TSPAN5: variants seen among roughly 807,000 people sequenced by gnomAD.
TSPAN5 encodes the protein tetraspanin-5.
A neutral mutation model predicts 37.1 loss-of-function variants in TSPAN5; 10 were observed. The ratio of observed to expected loss-of-function variants is 0.27; its 90% CI spans 0.17 to 0.46. The LOEUF (loss-of-function observed/expected upper bound fraction) is 0.46. Among genes scored for constraint, TSPAN5 ranks in the 20% least tolerant of loss-of-function variants. The pLI is 1.00. For missense variants in TSPAN5, 195 were observed against 326.6 expected (o/e 0.60, Z 3.11); for synonymous variants, 110 against 118.9 (o/e 0.93, Z 0.48).
At chr4:98,585,456 T>G (rs1755467910) in intron 1 of TSPAN5, among the ~76,000 whole-genome samples, 1 of 152,130 alleles carries the variant, frequency 6.6e-6, no homozygotes, top group Non-Finnish European at 1.5e-5. Context: ...ATTACAGGCA[T>G]GCACCGCCAC....
intron 1 of TSPAN5, among the ~76,000 whole-genome samples, chr4:98,640,370 T>C (rs1249956996): frequency 6.6e-6 from 1 of 152,188 alleles, no homozygotes; most frequent in Admixed American, 6.5e-5. Context: ...TTCAGGTAGT[T>C]TTCTAGGCAT....
intron 1 of TSPAN5, among the ~76,000 whole-genome samples, chr4:98,581,543 A>G (rs1383411838): frequency 6.6e-6 from 1 of 152,206 alleles, no homozygotes; most frequent in Admixed American, 6.5e-5. Flanking sequence ...TCTGCAGGGT[A>G]TTAATTACTC....
intron 2 of TSPAN5, among the ~76,000 whole-genome samples, chr4:98,492,075 G>C (rs547359312): frequency 6.6e-6 from 1 of 152,124 alleles, no homozygotes; most frequent in Non-Finnish European, 1.5e-5. Context: ...CCTCCTCCTT[G>C]TAAGGATGCC....
At chr4:98,548,322 C>T (rs1319514902) in intron 1 of TSPAN5, among the ~76,000 whole-genome samples, 3 of 152,028 alleles carry the variant, frequency 2.0e-5, no homozygotes, top group Non-Finnish European at 2.9e-5. Flanking sequence ...TATTGTACTT[C>T]AGAAATGAAA....
At chr4:98,526,129 T>G (rs568703874) in intron 1 of TSPAN5, among the ~76,000 whole-genome samples, 102 of 152,288 alleles carry the variant, frequency 6.7e-4, no homozygotes, top group Admixed American at 1.3e-3. Flanking sequence ...TTTAAAGATA[T>G]CAGGCTGGGT....
intron 1 of TSPAN5, among the ~76,000 whole-genome samples, chr4:98,657,901 C>T (rs1757324279): frequency 6.6e-6 from 1 of 152,160 alleles, no homozygotes; most frequent in Non-Finnish European, 1.5e-5. Flanking sequence ...CCTCAAAAAG[C>T]CACCAGAAGG....
At chr4:98,598,141 G>T (rs1381805791) in intron 1 of TSPAN5, among the ~76,000 whole-genome samples, 3 of 126,402 alleles carry the variant, frequency 2.4e-5, no homozygotes, top group African/African-American at 1.1e-4. Context: ...GTCTCGTGGT[G>T]CGCCATTTCT....
intron 1 of TSPAN5, among the ~76,000 whole-genome samples, chr4:98,522,418 T>C (rs6830136): frequency 0.21 from 32,270 of 152,182 alleles, 3,558 homozygotes; most frequent in South Asian, 0.25. Flanking sequence ...ATAGCTATCA[T>C]AGAAGTTATA....
chr4:98,628,581 C>T (rs531358023), intron 1 of TSPAN5, among the ~76,000 whole-genome samples: 1 of 152,278 alleles, frequency 6.6e-6, no homozygotes, highest in African/African-American at 2.4e-5. Context: ...GGTACAGATT[C>T]CTGGGTCAAC....
At chr4:98,507,592 T>C in intron 2 of TSPAN5, 86 bp downstream of exon 2, 1 of 978,006 alleles carries the variant, frequency 1.0e-6, no homozygotes, top group South Asian at 1.7e-5. Flanking sequence ...ACTCTGTGGT[T>C]GTCAAAGAGA....
chr4:98,585,258 T>C (rs1463829197), intron 1 of TSPAN5, among the ~76,000 whole-genome samples: 1 of 152,156 alleles, frequency 6.6e-6, no homozygotes, highest in East Asian at 1.9e-4. Flanking sequence ...AAACAAGCAA[T>C]ACTTCAACGT....
At chr4:98,645,125 A>C (rs79574458) in intron 1 of TSPAN5, among the ~76,000 whole-genome samples, 1 of 152,172 alleles carries the variant, frequency 6.6e-6, no homozygotes, top group African/African-American at 2.4e-5. Flanking sequence ...GTTTTCAACT[A>C]TCTTTTCATC....
chr4:98,572,207 G>C (rs1381173905), intron 1 of TSPAN5, among the ~76,000 whole-genome samples: 10 of 152,094 alleles, frequency 6.6e-5, no homozygotes, highest in Admixed American at 1.3e-4. Context: ...CTGATCTCAA[G>C]TGATCCGCTG....
At chr4:98,566,056 G>C (rs1452548096) in intron 1 of TSPAN5, among the ~76,000 whole-genome samples, 1 of 152,196 alleles carries the variant, frequency 6.6e-6, no homozygotes, top group Non-Finnish European at 1.5e-5. Flanking sequence ...ATCTCCAGGG[G>C]AAATGAGAGG....
chr4:98,551,661 T>G (rs1318349082), intron 1 of TSPAN5, among the ~76,000 whole-genome samples: 1 of 145,776 alleles, frequency 6.9e-6, no homozygotes, highest in Non-Finnish European at 1.5e-5. Flanking sequence ...CCAGCTAATT[T>G]TTTTTTTTTT....
At chr4:98,620,904 A>C (rs1756465979) in intron 1 of TSPAN5, among the ~76,000 whole-genome samples, 2 of 152,226 alleles carry the variant, frequency 1.3e-5, no homozygotes, top group Non-Finnish European at 2.9e-5. Flanking sequence ...GTAACATAAA[A>C]GTCACTGTTA....
chr4:98,640,236 A>G (rs1756935584), intron 1 of TSPAN5, among the ~76,000 whole-genome samples: 1 of 152,210 alleles, frequency 6.6e-6, no homozygotes, highest in South Asian at 2.1e-4. Context: ...AAACATGCCT[A>G]TTTTTACACA....
intron 1 of TSPAN5, among the ~76,000 whole-genome samples, chr4:98,637,938 G>C (rs1407293382): frequency 6.6e-6 from 1 of 152,136 alleles, no homozygotes; most frequent in East Asian, 1.9e-4. Context: ...GAAAAAGAAA[G>C]AAAGAAATTA....
chr4:98,522,586 A>C (rs1394201950), intron 1 of TSPAN5, among the ~76,000 whole-genome samples: 1 of 152,224 alleles, frequency 6.6e-6, no homozygotes, highest in Non-Finnish European at 1.5e-5. Context: ...TCAAAACCTA[A>C]AACATCTTGA....
Sources: gnomAD v4.1 joint callset for allele counts (sites outside exome capture counted in the v4.1 genomes callset) on GRCh38, gnomAD v4.1.1 for gene constraint, MANE v1.5 for transcripts, NCBI Gene and HGNC (gene_info 2026-07-23, HGNC 2026-07-21) for gene names.